UNC5C: variants seen among roughly 807,000 people sequenced by gnomAD.
The protein encoded by UNC5C is netrin receptor UNC5C.
Under a neutral mutation model 99.8 loss-of-function variants are expected in UNC5C, and 47 were observed. The ratio of observed to expected loss-of-function variants is 0.47; its 90% confidence interval spans 0.37 to 0.60. The LOEUF is 0.60. Among genes scored for constraint, UNC5C ranks in the 20% least tolerant of loss-of-function variants. UNC5C has a pLI of 0.00. For synonymous variants in UNC5C, 487 were observed against 452.2 expected (o/e 1.08, Z -0.98); for missense variants, 1,062 against 1,165.9 (o/e 0.91, Z 1.30).
At chr4:95,426,163 T>C (rs574323113) in intron 1 of UNC5C, among the ~76,000 whole-genome samples, 94 of 152,370 alleles carry the variant, frequency 6.2e-4, no homozygotes, top group Non-Finnish European at 1.0e-3. Context: ...TATCTCTATG[T>C]CACATTTTGT....
chr4:95,259,750 T>C (rs941584588), intron 4 of UNC5C, among the ~76,000 whole-genome samples: 2 of 152,178 alleles, frequency 1.3e-5, no homozygotes, highest in African/African-American at 4.8e-5. Flanking sequence ...AGATTTTTAA[T>C]GAAACACAGG....
At chr4:95,463,586 G>T (rs1179731677) in intron 1 of UNC5C, among the ~76,000 whole-genome samples, 4 of 152,098 alleles carry the variant, frequency 2.6e-5, no homozygotes, top group Non-Finnish European at 5.9e-5. Flanking sequence ...ACCTGCTTTA[G>T]TTAACATGAC....
chr4:95,448,238 G>GAGAGAGAGAC (rs1553973954), intron 1 of UNC5C, among the ~76,000 whole-genome samples: 88 of 136,986 alleles, frequency 6.4e-4, no homozygotes, highest in South Asian at 9.3e-4. Flanking sequence ...GAGAGAGAGA[G>GAGAGAGAGAC]AGAGAGAGAG....
At chr4:95,188,320 T>C (rs1736917116) in intron 12 of UNC5C, among the ~76,000 whole-genome samples, 1 of 152,076 alleles carries the variant, frequency 6.6e-6, no homozygotes. Context: ...GTTCATGACA[T>C]AGGAAAGCAT....
At chr4:95,428,620 T>C (rs1746547984) in intron 1 of UNC5C, among the ~76,000 whole-genome samples, 1 of 152,108 alleles carries the variant, frequency 6.6e-6, no homozygotes, top group African/African-American at 2.4e-5. Context: ...GGCCATATAG[T>C]GAGCAATGCC....
chr4:95,180,002 C>A (rs193226941), intron 14 of UNC5C, among the ~76,000 whole-genome samples: 233 of 112,698 alleles, frequency 2.1e-3, no homozygotes, highest in African/African-American at 6.0e-3. Context: ...CAATTGATGA[C>A]AGACCCCCCC....
intron 1 of UNC5C, among the ~76,000 whole-genome samples, chr4:95,407,783 C>T (rs191713617): frequency 7.9e-5 from 12 of 152,052 alleles, no homozygotes; most frequent in Middle Eastern, 3.4e-3. Flanking sequence ...ATCCAAAAGG[C>T]GTTATATTAC....
At chr4:95,270,943 G>T (rs1371440003) in intron 4 of UNC5C, among the ~76,000 whole-genome samples, 1 of 152,148 alleles carries the variant, frequency 6.6e-6, no homozygotes. Context: ...AAGTGTTCAG[G>T]TCTATAGCTA....
intron 3 of UNC5C, among the ~76,000 whole-genome samples, chr4:95,285,771 T>A (rs1170851895): frequency 5.3e-5 from 8 of 149,566 alleles, no homozygotes; most frequent in Non-Finnish European, 1.2e-4. Flanking sequence ...GTCTTATAGA[T>A]GTGTTTGTGT....
chr4:95,545,770 G>GCGCGCACACACACACACACA (rs1553907682), intron 1 of UNC5C, among the ~76,000 whole-genome samples: 19 of 130,510 alleles, frequency 1.5e-4, no homozygotes, highest in Admixed American at 2.3e-4. Context: ...ACGCGCGCGC[G>GCGCGCACACACACACACACA]CGCACACACA....
At chr4:95,194,277 A>G (rs1279556197) in intron 12 of UNC5C, among the ~76,000 whole-genome samples, 1 of 152,198 alleles carries the variant, frequency 6.6e-6, no homozygotes, top group Non-Finnish European at 1.5e-5. Context: ...AGGTTTTTCT[A>G]GGACTTTTGA....
chr4:95,465,694 C>G (rs1224379089), intron 1 of UNC5C, among the ~76,000 whole-genome samples: 3 of 152,020 alleles, frequency 2.0e-5, no homozygotes, highest in African/African-American at 7.2e-5. Flanking sequence ...CAATTTGTAT[C>G]CTAGAAATTA....
intron 1 of UNC5C, among the ~76,000 whole-genome samples, chr4:95,373,104 G>C (rs1202263606): frequency 6.6e-6 from 1 of 152,114 alleles, no homozygotes; most frequent in African/African-American, 2.4e-5. Flanking sequence ...ACTATCTCTT[G>C]TCTTGTACTA....
intron 1 of UNC5C, among the ~76,000 whole-genome samples, chr4:95,444,432 C>G (rs927306096): frequency 2.0e-5 from 3 of 151,828 alleles, no homozygotes; most frequent in Non-Finnish European, 2.9e-5. Flanking sequence ...CCTGGCTTCA[C>G]GCCATTCTCC....
chr4:95,356,213 C>A (rs57013627), intron 1 of UNC5C, among the ~76,000 whole-genome samples: 24,517 of 75,008 alleles, frequency 0.33, 3,327 homozygotes, highest in African/African-American at 0.45. Context: ...AAAAAAAAAA[C>A]AAAACAAAAA....
Position 95,386,080 on chromosome 4 carries a change from C to T in UNC5C, c.125-50449G>A, listed in dbSNP as rs139670227. Among the ~76,000 whole-genome samples the T allele has an allele frequency of 5.8e-4, 89 of 152,198 alleles. 1 individual carries two copies. In the East Asian group the frequency reaches 0.015, roughly 27 times the overall value. On this transcript the variant is annotated intron_variant, in intron 1 of 15. Transcript: ENST00000453304. ...GAAACTTGTCTTGACCCACTTCTGA[C>T]CAGCCATTGTAACCTGCAGTCAGTG...
chr4:95,177,176 G>A (rs1161462222), intron 14 of UNC5C, among the ~76,000 whole-genome samples: 1 of 152,226 alleles, frequency 6.6e-6, no homozygotes, highest in African/African-American at 2.4e-5. Context: ...CGGTACCTCA[G>A]ATGGAAATGC....
chr4:95,486,479 A>G (rs1310153764), intron 1 of UNC5C, among the ~76,000 whole-genome samples: 1 of 151,616 alleles, frequency 6.6e-6, no homozygotes, highest in Non-Finnish European at 1.5e-5. Flanking sequence ...TCATTATCCT[A>G]CACTTGACAC....
intron 1 of UNC5C, among the ~76,000 whole-genome samples, chr4:95,477,709 T>C (rs1237990648): frequency 6.6e-6 from 1 of 152,056 alleles, no homozygotes; most frequent in Non-Finnish European, 1.5e-5. Flanking sequence ...TAAACTTTCC[T>C]ACATCCACAA....
Sources: gnomAD v4.1 joint callset for allele counts (sites outside exome capture counted in the v4.1 genomes callset) on GRCh38, gnomAD v4.1.1 for gene constraint, MANE v1.5 for transcripts, NCBI Gene and HGNC (gene_info 2026-07-23, HGNC 2026-07-21) for gene names.